Variants in HERC3 observed in about 807,000 individuals in gnomAD.
The protein encoded by HERC3 is HECT and RLD domain containing E3 ubiquitin protein ligase 3, also known as probable E3 ubiquitin-protein ligase HERC3.
In HERC3, 58 loss-of-function variants were observed where a neutral mutation model predicts 129.9. That is an observed-to-expected ratio of 0.45 (90% CI 0.36 to 0.56). The LOEUF (loss-of-function observed/expected upper bound fraction) is 0.56, where lower values mean the gene tolerates loss of function less well. Among genes scored for constraint, HERC3 ranks in the 20% least tolerant of loss-of-function variants. The probability of loss-of-function intolerance (pLI) is 0.00; values close to 1 mark genes in which losing one functional copy is unlikely to be tolerated. For synonymous variants in HERC3, 430 were observed against 451.0 expected, an observed-to-expected ratio of 0.95 and a Z score of 0.59; for missense variants, 835 against 1,244.2, an observed-to-expected ratio of 0.67 and a Z score of 4.95.
chr4:88,592,021 G>C (rs975458026), upstream of HERC3, among the ~76,000 whole-genome samples: 1 of 152,000 alleles, frequency 6.6e-6, no homozygotes, highest in Non-Finnish European at 1.5e-5. Flanking sequence ...CCTACGAAGG[G>C]GAGTAAAGCA....
chr4:88,676,131 G>C, intron 16 of HERC3, 87 bp from the exon 17 acceptor site: 1 of 997,418 alleles, frequency 1.0e-6, no homozygotes, highest in Non-Finnish European at 1.5e-6. Context: ...TTGGTTCTGT[G>C]TTTTGTTATT....
chr4:88,669,353 T>C (rs948660767), intron 14 of HERC3, among the ~76,000 whole-genome samples: 1 of 152,226 alleles, frequency 6.6e-6, no homozygotes, highest in Non-Finnish European at 1.5e-5. Context: ...TGTCTGGTTA[T>C]GAGAAAGCAT....
In HERC3 at chr4:88,641,112, C is replaced by T. The variant is rs189519142; in HGVS notation, c.227-8728C>T. On this transcript the variant is annotated intron_variant, in intron 3 of 25. Coordinates refer to ENST00000402738, the MANE Select transcript of HERC3 (RefSeq NM_014606.3). ...TGCAATAATTAAAAGTATGTTCTCT[C>T]ACTATACTGGAATTCAACTAGAAAT... 4.4e-4 allele frequency among the ~76,000 whole-genome samples: 67 copies of T among 152,248 alleles called. No individual in the cohort carries two copies. The East Asian group carries it at 0.012, about 26-fold the overall frequency.
chr4:88,666,632 G>A (rs1350314213), intron 12 of HERC3, among the ~76,000 whole-genome samples: 1 of 152,170 alleles, frequency 6.6e-6, no homozygotes, highest in African/African-American at 2.4e-5. Context: ...CTCAAAAACA[G>A]AAGCCTGCTT....
At position 88,670,153 on chromosome 4, in the gene HERC3, G is replaced by A; in HGVS notation, c.1812G>A (p.Val604=). 6.2e-7 allele frequency: 1 copy of A among 1,612,698 alleles called. No homozygotes were observed. Residue 604 remains valine, a synonymous_variant, in exon 16 of 26, where the codon GTG becomes GTA. Transcript: ENST00000402738. ...TTCTTCATTAGGTAAATCTTAAAGTGAAGCATGTGGAATATGATACATTTT... is the reference window on the plus strand; with the variant it reads ...TTCTTCATTAGGTAAATCTTAAAGTAAAGCATGTGGAATATGATACATTTT... ...LEKLYKVNLK[V]KHVEYDTFYI...
intron 23 of HERC3, among the ~76,000 whole-genome samples, chr4:88,694,547 C>G (rs72867759): frequency 0.099 from 15,021 of 152,170 alleles, 1,556 homozygotes; most frequent in African/African-American, 0.26. Context: ...AATATATTTT[C>G]TTCAGTTAGT....
intron 3 of HERC3, among the ~76,000 whole-genome samples, chr4:88,613,199 T>C (rs1424276259): frequency 6.6e-6 from 1 of 152,234 alleles, no homozygotes; most frequent in Non-Finnish European, 1.5e-5. Flanking sequence ...CTCTGCTAAA[T>C]TTTAAAATTC....
At position 88,706,915 on chromosome 4, in the gene HERC3, G is replaced by A; in HGVS notation, c.3108G>A (p.Arg1036=). The A allele has an allele frequency of 6.2e-7, 1 of 1,614,166 alleles. No individual in the cohort carries two copies. Among genetic ancestry groups the A allele is most frequent in the Non-Finnish European group, 8.5e-7 (1 of 1,180,026 alleles). Residue 1036 remains arginine, a synonymous_variant, in exon 26 of 26, where the codon CGG becomes CGA. Transcript: ENST00000402738. ...GCAGCAAAGAGATTCTGAGTGCCCG[G>A]CTGACCCAGGCCCTTGACAACTATG... is the stretch of plus-strand genomic sequence containing the variant. ...KYSSKEILSA[R]LTQALDNYEG...
intron 3 of HERC3, among the ~76,000 whole-genome samples, chr4:88,609,083 T>C (rs114888282): frequency 0.016 from 2,168 of 139,180 alleles, 53 homozygotes; most frequent in African/African-American, 0.057. Flanking sequence ...GCCAAGGAGT[T>C]GGGGACCAGC....
chr4:88,528,046 G>A, the HERC3 span: 14 of 294,922 alleles, frequency 4.7e-5, no homozygotes, highest in South Asian at 2.7e-4. Context: ...GTAGTTTCAC[G>A]CCAATTTCCT....
chr4:88,581,307 A>T, the HERC3 span, among the ~76,000 whole-genome samples: 8,024 of 143,788 alleles, frequency 0.056, 426 homozygotes, highest in East Asian at 0.33. Context: ...TATTATTATT[A>T]TTTTTTTTTT....
intron 23 of HERC3, among the ~76,000 whole-genome samples, chr4:88,694,192 G>A (rs1371697269): frequency 6.6e-6 from 1 of 152,204 alleles, no homozygotes. Flanking sequence ...GGCTCACCTA[G>A]TGCTGCAGGT....
intron 19 of HERC3, 26 bp downstream of exon 19, chr4:88,678,160 A>T (rs1379337394): frequency 6.2e-7 from 1 of 1,604,996 alleles, no homozygotes; most frequent in Non-Finnish European, 8.5e-7. Context: ...ATATTCCTCT[A>T]AATACCTTCG....
At chr4:88,604,888 C>T (rs764729543) in intron 2 of HERC3, among the ~76,000 whole-genome samples, 3 of 152,140 alleles carry the variant, frequency 2.0e-5, no homozygotes, top group Non-Finnish European at 4.4e-5. Context: ...ACATTATCAC[C>T]AACACTTGTT....
At chr4:88,550,551 A>G in the HERC3 span, among the ~76,000 whole-genome samples, 15 of 152,340 alleles carry the variant, frequency 9.8e-5, no homozygotes, top group South Asian at 3.1e-3. Flanking sequence ...CAAAGAGAAT[A>G]AAATACTTAG....
At chr4:88,670,102 G>A (rs1377979963) in intron 15 of HERC3, 37 bp from the exon 16 acceptor site, 2 of 1,600,080 alleles carry the variant, frequency 1.2e-6, no homozygotes, top group Admixed American at 1.7e-5. Flanking sequence ...TCTCTGGGAA[G>A]CCATGTTTCA....
chr4:88,538,897 T>C, the HERC3 span, among the ~76,000 whole-genome samples: 9 of 152,160 alleles, frequency 5.9e-5, no homozygotes, highest in African/African-American at 2.2e-4. Context: ...CCACCCACCA[T>C]AACCTCATTT....
intron 4 of HERC3, among the ~76,000 whole-genome samples, chr4:88,651,206 CATT>C (rs995301190): frequency 6.6e-6 from 1 of 152,106 alleles, no homozygotes; most frequent in African/African-American, 2.4e-5. Flanking sequence ...TTTTTAACGG[CATT>C]TCATTTTTAA....
At chr4:88,591,933 G>C (rs1721734057), upstream of HERC3, among the ~76,000 whole-genome samples, 1 of 151,868 alleles carries the variant, frequency 6.6e-6, no homozygotes, top group Non-Finnish European at 1.5e-5. Context: ...CCAGAAGAGC[G>C]CCGGCGGCTG....
Sources: gnomAD v4.1 joint callset for allele counts (sites outside exome capture counted in the v4.1 genomes callset) on GRCh38, gnomAD v4.1.1 for gene constraint, MANE v1.5 for transcripts, NCBI Gene and HGNC (gene_info 2026-07-23, HGNC 2026-07-21) for gene names.